Variants in LANCL2 observed in about 807,000 individuals in gnomAD.
LANCL2 encodes lanC-like protein 2.
Under a neutral mutation model 56.9 loss-of-function variants are expected in LANCL2, and 33 were observed. The ratio of observed to expected loss-of-function variants is 0.58; its 90% CI spans 0.44 to 0.78. The LOEUF (loss-of-function observed/expected upper bound fraction) is 0.78. LANCL2 is among the 30% of genes least tolerant of loss of function. LANCL2 has a pLI of 0.00. For missense variants in LANCL2, 562 were observed against 580.2 expected, an observed-to-expected ratio of 0.97 and a Z score of 0.32; for synonymous variants, 233 against 228.2, an observed-to-expected ratio of 1.02 and a Z score of -0.19.
At chr7:55,371,127 G>T (rs1216896932) in intron 1 of LANCL2, among the ~76,000 whole-genome samples, 1 of 152,154 alleles carries the variant, frequency 6.6e-6, no homozygotes, top group Non-Finnish European at 1.5e-5. Context: ...CTCTAGACTT[G>T]TTTGTCCTGC....
intron 1 of LANCL2, among the ~76,000 whole-genome samples, chr7:55,382,523 T>C (rs1790080992): frequency 6.6e-6 from 1 of 152,072 alleles, no homozygotes; most frequent in Non-Finnish European, 1.5e-5. Context: ...CTCAAATCAG[T>C]GTCTCTGAAA....
chr7:55,412,970 T>C (rs1378249773), intron 6 of LANCL2, among the ~76,000 whole-genome samples: 1 of 152,226 alleles, frequency 6.6e-6, no homozygotes, highest in African/African-American at 2.4e-5. Flanking sequence ...ATAAATTACT[T>C]AGGAAAATTG....
intron 5 of LANCL2, among the ~76,000 whole-genome samples, chr7:55,408,004 A>G (rs995308594): frequency 2.0e-5 from 3 of 152,222 alleles, no homozygotes; most frequent in Non-Finnish European, 4.4e-5. Context: ...AGCTTGAAAG[A>G]TGGAGACCTG....
At chr7:55,370,510 G>A (rs1789931261) in intron 1 of LANCL2, among the ~76,000 whole-genome samples, 1 of 152,212 alleles carries the variant, frequency 6.6e-6, no homozygotes, top group Non-Finnish European at 1.5e-5. Context: ...GGTTGGGAGA[G>A]AAATTGCTGT....
intron 4 of LANCL2, among the ~76,000 whole-genome samples, chr7:55,400,841 A>G (rs1224281840): frequency 6.6e-6 from 1 of 152,166 alleles, no homozygotes. Context: ...CTCTTTTGGG[A>G]AAAATACTGC....
intron 6 of LANCL2, among the ~76,000 whole-genome samples, chr7:55,414,882 G>A (rs1214019053): frequency 6.6e-6 from 1 of 151,074 alleles, no homozygotes; most frequent in African/African-American, 2.4e-5. Flanking sequence ...TACCTAGGAG[G>A]CTGAGGTGGA....
chr7:55,426,918 G>A (rs536338788), intron 7 of LANCL2, among the ~76,000 whole-genome samples: 7 of 152,280 alleles, frequency 4.6e-5, no homozygotes, highest in East Asian at 1.9e-4. Flanking sequence ...CGAGAAGACC[G>A]CAGGAGGGGT....
At chr7:55,402,407 C>T (rs1329146404) in intron 5 of LANCL2, among the ~76,000 whole-genome samples, 3 of 116,240 alleles carry the variant, frequency 2.6e-5, no homozygotes, top group East Asian at 2.8e-4. Flanking sequence ...CCGGACGGGG[C>T]GGCTGGCCGG....
intron 1 of LANCL2, among the ~76,000 whole-genome samples, chr7:55,376,380 C>T (rs933991488): frequency 4.6e-5 from 7 of 152,210 alleles, no homozygotes; most frequent in African/African-American, 1.7e-4. Flanking sequence ...TCCGCATGGA[C>T]AGCCCTGCAA....
At chr7:55,409,629 C>A (rs907505231) in intron 5 of LANCL2, among the ~76,000 whole-genome samples, 1 of 152,022 alleles carries the variant, frequency 6.6e-6, no homozygotes, top group Non-Finnish European at 1.5e-5. Flanking sequence ...AGCAGAATCC[C>A]CAGGAAGTTG....
chr7:55,417,146 A>AT (rs1161435605), intron 6 of LANCL2, among the ~76,000 whole-genome samples: 2 of 151,504 alleles, frequency 1.3e-5, no homozygotes, highest in Non-Finnish European at 2.9e-5. Flanking sequence ...CGCCTGGCTA[A>AT]TTTTTTGTAT....
intron 6 of LANCL2, among the ~76,000 whole-genome samples, chr7:55,423,139 G>C (rs1376937535): frequency 1.3e-5 from 2 of 152,254 alleles, no homozygotes; most frequent in Admixed American, 1.3e-4. Flanking sequence ...ATGTATCTGT[G>C]ATTAAGTCCA....
chr7:55,416,492 G>A (rs1262583823), intron 6 of LANCL2, among the ~76,000 whole-genome samples: 1 of 152,066 alleles, frequency 6.6e-6, no homozygotes, highest in Non-Finnish European at 1.5e-5. Context: ...TTTTGCCCAG[G>A]CTGGTTTCGA....
chr7:55,416,506 C>T (rs541172757), intron 6 of LANCL2, among the ~76,000 whole-genome samples: 2 of 152,248 alleles, frequency 1.3e-5, no homozygotes, highest in African/African-American at 4.8e-5. Flanking sequence ...GTTTCGAACT[C>T]GTGGACTCAA....
chr7:55,415,409 ATG>A (rs1274385122), intron 6 of LANCL2, among the ~76,000 whole-genome samples: 2 of 152,146 alleles, frequency 1.3e-5, no homozygotes, highest in African/African-American at 2.4e-5. Context: ...TATTGTATAT[ATG>A]TCAGAAAATG....
chr7:55,407,796 G>A (rs1790426307), intron 5 of LANCL2, among the ~76,000 whole-genome samples: 1 of 152,222 alleles, frequency 6.6e-6, no homozygotes, highest in Admixed American at 6.5e-5. Flanking sequence ...CCAGTTCCTT[G>A]GAGTGAATCT....
chr7:55,412,668 C>CTAAGATTTATCATT (rs979752217), intron 6 of LANCL2, among the ~76,000 whole-genome samples: 1 of 152,190 alleles, frequency 6.6e-6, no homozygotes, highest in African/African-American at 2.4e-5. Context: ...CTGTCCTGGA[C>CTAAGATTTATCATT]TAAGATTTAT....
intron 1 of LANCL2, among the ~76,000 whole-genome samples, chr7:55,385,102 G>A (rs766170997): frequency 9.2e-5 from 14 of 152,192 alleles, no homozygotes; most frequent in Non-Finnish European, 1.5e-4. Context: ...CAGGAGAATC[G>A]CTTGACTCTG....
intron 1 of LANCL2, among the ~76,000 whole-genome samples, chr7:55,375,305 A>G (rs1032238203): frequency 2.0e-5 from 3 of 152,258 alleles, no homozygotes; most frequent in African/African-American, 7.2e-5. Flanking sequence ...GAAGAACACA[A>G]GTATTTTAGA....
Sources: allele counts gnomAD v4.1 joint callset (sites outside exome capture counted in the v4.1 genomes callset), GRCh38; gene constraint gnomAD v4.1.1; transcripts MANE v1.5; gene names NCBI Gene and HGNC (gene_info 2026-07-23, HGNC 2026-07-21).